The following AGAP1 variants were observed in gnomAD, a reference collection of about 807,000 sequenced individuals.
AGAP1 encodes ArfGAP with GTPase domain, ankyrin repeat and PH domain 1.
AGAP1 carries 29 observed loss-of-function variants against 105.3 expected under a neutral mutation model. That is an observed-to-expected ratio of 0.28 (90% CI 0.21 to 0.38). The LOEUF (loss-of-function observed/expected upper bound fraction) is 0.38. AGAP1 is among the 10% of genes least tolerant of loss of function. The probability of loss-of-function intolerance (pLI) is 1.00; values close to 1 mark genes in which losing one functional copy is unlikely to be tolerated. For missense variants in AGAP1, 998 were observed against 1,165.1 expected, an observed-to-expected ratio of 0.86 and a Z score of 2.09; for synonymous variants, 509 against 485.9, an observed-to-expected ratio of 1.05 and a Z score of -0.63.
chr2:235,934,331 T>A lies in AGAP1; in HGVS notation c.1483+3408T>A, dbSNP rs2052881589. 6.6e-6 allele frequency among the ~76,000 whole-genome samples: 1 copy of A among 152,124 alleles called. No individual in the cohort carries two copies. Among genetic ancestry groups the A allele is most frequent in the Admixed American group, 6.5e-5 (1 of 15,270 alleles). ...AAGTGGCATTTGACAGCTCCGGGGATTTGGCTGGTGATGCAGAATTCAGGC... is the reference window on the plus strand; with the variant it reads ...AAGTGGCATTTGACAGCTCCGGGGAATTGGCTGGTGATGCAGAATTCAGGC... On this transcript the variant is annotated intron_variant, in intron 12 of 17. Transcript: ENST00000304032. The surrounding 1 kb of genome is among the most constrained non-coding windows in gnomAD (Gnocchi z 4.9).
In AGAP1 at chr2:235,893,684, A is replaced by C. The variant is rs576942516; in HGVS notation, c.1155+10235A>C. On this transcript the variant is annotated intron_variant, in intron 10 of 17. Coordinates refer to ENST00000304032, the MANE Select transcript of AGAP1 (RefSeq NM_001037131.3). The surrounding 1 kb of genome is among the most constrained non-coding windows in gnomAD (Gnocchi z 4.7). ...TGTCCCTTTCTGCCCCATCTAGTGT[A>C]TGTCATTGAGGAGGAGGGCTGTGTT... is the stretch of plus-strand genomic sequence containing the variant. Among the ~76,000 whole-genome samples, 1 of 152,054 alleles carries C rather than the reference A, an allele frequency of 6.6e-6. No homozygotes were observed. The highest frequency in any genetic ancestry group is 1.9e-4 in the East Asian group (1 of 5,164).
intron 16 of AGAP1, among the ~76,000 whole-genome samples, chr2:236,106,519 C>T (rs1028296230): frequency 5.3e-5 from 8 of 152,250 alleles, no homozygotes; most frequent in Non-Finnish European, 1.0e-4. Context: ...AGCCTTGTGG[C>T]ATCCCAAGTA....
rs529088697 is a variant in AGAP1 at position 235,797,943 on chromosome 2, G to A, written c.801+57G>A. The A allele has an allele frequency of 7.5e-5, 120 of 1,589,810 alleles. 1 individual carries two copies. The African/African-American group carries it at 1.5e-3, about 19-fold the overall frequency. Reference sequence around the variant, plus strand: ...TAGAACCAAAGACAATATGCAAATAGTGTTCCCAGCCAATGCTAAGGTTGA... The same window carrying A: ...TAGAACCAAAGACAATATGCAAATAATGTTCCCAGCCAATGCTAAGGTTGA... On this transcript the variant is annotated intron_variant, in intron 7 of 17. Coordinates refer to ENST00000304032, the MANE Select transcript of AGAP1 (RefSeq NM_001037131.3).
chr2:235,805,831 C>G (rs1427794409), intron 8 of AGAP1, among the ~76,000 whole-genome samples: 1 of 152,208 alleles, frequency 6.6e-6, no homozygotes. Flanking sequence ...TCCCTGTCAT[C>G]TCATTCTAGG....
chr2:235,740,717 G>T lies in AGAP1; in HGVS notation c.311-246G>T, dbSNP rs1181052126. On this transcript the variant is annotated intron_variant, in intron 3 of 17. Transcript: ENST00000304032. The surrounding 1 kb of genome is among the most constrained non-coding windows in gnomAD (Gnocchi z 5.7). Reference sequence around the variant, plus strand: ...TGAGAAGTCCACACTAATTGGCCACGAGTGTCTGGCATTGCGAAGGAAGCT... The same window carrying T: ...TGAGAAGTCCACACTAATTGGCCACTAGTGTCTGGCATTGCGAAGGAAGCT... Among the ~76,000 whole-genome samples the T allele has an allele frequency of 4.6e-5, 7 of 152,248 alleles. No homozygotes were observed. Among genetic ancestry groups the T allele is most frequent in the Non-Finnish European group, 1.0e-4 (7 of 68,050 alleles).
At chr2:235,641,228 A>G (rs1044804612) in intron 1 of AGAP1, among the ~76,000 whole-genome samples, 1 of 152,128 alleles carries the variant, frequency 6.6e-6, no homozygotes, top group Non-Finnish European at 1.5e-5. Flanking sequence ...ATTACCCTCT[A>G]ATGTTACAAA....
chr2:235,830,082 T>C lies in AGAP1; in HGVS notation c.1050+22751T>C, dbSNP rs550004424. On this transcript the variant is annotated intron_variant, in intron 9 of 17. Coordinates refer to ENST00000304032, the MANE Select transcript of AGAP1 (RefSeq NM_001037131.3). The surrounding 1 kb of genome is among the most constrained non-coding windows in gnomAD (Gnocchi z 5.5). ...ATGATGCAGAGCTTTGGCGGCTGGC[T>C]GATGGAGTCGTTCTCATTTGTGAAG... 7.9e-5 allele frequency among the ~76,000 whole-genome samples: 12 copies of C among 152,262 alleles called. No individual in the cohort carries two copies. In the South Asian group the frequency reaches 2.5e-3, roughly 32 times the overall value.
Position 235,979,536 on chromosome 2 carries a change from C to T in AGAP1, c.1645+10913C>T, listed in dbSNP as rs904318375. Among the ~76,000 whole-genome samples the T allele has an allele frequency of 6.6e-6, 1 of 152,168 alleles. No individual in the cohort carries two copies. The highest frequency in any genetic ancestry group is 2.4e-5 in the African/African-American group (1 of 41,428). On this transcript the variant is annotated intron_variant, in intron 13 of 17. Coordinates refer to ENST00000304032, the MANE Select transcript of AGAP1 (RefSeq NM_001037131.3). This position sits in a 1 kb window ranked among gnomAD's most constrained non-coding sequence, Gnocchi z 4.5. ...CTAATACCCTCCTGGCTTTCCACTCCACCCCTTTCTCATCTCAGACATACC... is the reference window on the plus strand; with the variant it reads ...CTAATACCCTCCTGGCTTTCCACTCTACCCCTTTCTCATCTCAGACATACC...
In AGAP1 at chr2:235,747,791, G is replaced by A. The variant is rs1276274054; in HGVS notation, c.539-2563G>A. 1.3e-5 allele frequency among the ~76,000 whole-genome samples: 2 copies of A among 152,250 alleles called. No homozygotes were observed. The highest frequency in any genetic ancestry group is 2.9e-5 in the Non-Finnish European group (2 of 68,038). On this transcript the variant is annotated intron_variant, in intron 5 of 17. Coordinates refer to ENST00000304032, the MANE Select transcript of AGAP1 (RefSeq NM_001037131.3). The surrounding 1 kb of genome is among the most constrained non-coding windows in gnomAD (Gnocchi z 5.0). Reference sequence around the variant, plus strand: ...GATGCCAGAGACAAAAGAGGGATCAGGTTGTCTAGGAAGGCACCTGGCATT... The same window carrying A: ...GATGCCAGAGACAAAAGAGGGATCAAGTTGTCTAGGAAGGCACCTGGCATT...
At position 235,787,317 on chromosome 2, in the gene AGAP1, C is replaced by G. The variant is rs1293153124; in HGVS notation, c.674-10442C>G. 6.6e-6 allele frequency among the ~76,000 whole-genome samples: 1 copy of G among 152,248 alleles called. No individual in the cohort carries two copies. Among genetic ancestry groups the G allele is most frequent in the East Asian group, 1.9e-4 (1 of 5,200 alleles). ...TAACACTTTCTAATGTTTCATTCAT[C>G]TATCTGAGTTTTTCCTGCTTTAAGT... On this transcript the variant is annotated intron_variant, in intron 6 of 17. Coordinates refer to ENST00000304032, the MANE Select transcript of AGAP1 (RefSeq NM_001037131.3). The surrounding 1 kb of genome is among the most constrained non-coding windows in gnomAD (Gnocchi z 4.4).
intron 16 of AGAP1, among the ~76,000 whole-genome samples, chr2:236,100,026 C>G (rs1321325635): frequency 6.6e-6 from 1 of 152,002 alleles, no homozygotes; most frequent in African/African-American, 2.4e-5. Flanking sequence ...AGCAATAGAG[C>G]AAGACTCCAT....
chr2:235,997,558 G>T (rs571761274), intron 13 of AGAP1, among the ~76,000 whole-genome samples: 3 of 151,430 alleles, frequency 2.0e-5, no homozygotes, highest in South Asian at 2.1e-4. Flanking sequence ...TTCCACGCCC[G>T]CAGCATCTAC....
At chr2:235,570,740 G>A (rs1283953256) in intron 1 of AGAP1, among the ~76,000 whole-genome samples, 2 of 152,178 alleles carry the variant, frequency 1.3e-5, no homozygotes, top group African/African-American at 4.8e-5. Context: ...TTGAGCCTCG[G>A]TTTCTTCCTC....
In AGAP1 at chr2:236,124,138, G is replaced by A. The variant is rs187817029; in HGVS notation, c.*16G>A. 3.8e-3 allele frequency: 6,166 copies of A among 1,610,654 alleles called. 12 individuals are homozygous for A. The highest frequency in any genetic ancestry group is 4.8e-3 in the Non-Finnish European group (5,679 of 1,177,400). On this transcript the variant is annotated 3_prime_UTR_variant, in exon 18 of 18. Coordinates refer to ENST00000304032, the MANE Select transcript of AGAP1 (RefSeq NM_001037131.3). This position sits in a 1 kb window ranked among gnomAD's most constrained non-coding sequence, Gnocchi z 5.1. The stretch of plus-strand genomic sequence containing the variant: ...CATCATCTGAGGAACAGCCGTGCCC[G>A]CCTGCTCGCCGCACCTGGGACGCGG...
chr2:235,861,870 A>G (rs951054988), intron 9 of AGAP1, among the ~76,000 whole-genome samples: 5 of 152,208 alleles, frequency 3.3e-5, no homozygotes, highest in Admixed American at 2.0e-4. Context: ...AAACATTAAC[A>G]TCTGTAGAAA....
intron 16 of AGAP1, among the ~76,000 whole-genome samples, chr2:236,106,425 C>T (rs533686085): frequency 3.3e-5 from 5 of 152,318 alleles, no homozygotes; most frequent in South Asian, 2.1e-4. Context: ...GACCCCTGGG[C>T]GGGCACCTGT....
At position 236,003,722 on chromosome 2, in the gene AGAP1, C is replaced by G. The variant is rs1003881193; in HGVS notation, c.1646-32839C>G. On this transcript the variant is annotated intron_variant, in intron 13 of 17. Transcript: ENST00000304032. This position sits in a 1 kb window ranked among gnomAD's most constrained non-coding sequence, Gnocchi z 4.2. ...CACCCTGATCAAATTCAGTCATTAA[C>G]CCCACTGAAACCTGACAAGGCCTGT... 2.0e-5 allele frequency among the ~76,000 whole-genome samples: 3 copies of G among 152,166 alleles called. No individual in the cohort carries two copies. Among genetic ancestry groups the G allele is most frequent in the Non-Finnish European group, 4.4e-5 (3 of 68,026 alleles).
chr2:235,939,418 G>A (rs992070145), intron 12 of AGAP1, among the ~76,000 whole-genome samples: 7 of 152,082 alleles, frequency 4.6e-5, no homozygotes, highest in South Asian at 2.1e-4. Flanking sequence ...CTGCTTCCGC[G>A]GACACCCTCT....
At chr2:235,543,427 G>A (rs1054731976) in intron 1 of AGAP1, among the ~76,000 whole-genome samples, 5 of 152,182 alleles carry the variant, frequency 3.3e-5, no homozygotes, top group African/African-American at 4.8e-5. Flanking sequence ...CCCCGTGTAC[G>A]GGGAGAACTG....
Sources: allele counts gnomAD v4.1 joint callset (sites outside exome capture counted in the v4.1 genomes callset), GRCh38; gene constraint gnomAD v4.1.1; non-coding constraint Gnocchi (gnomAD v3.1); transcripts MANE v1.5; gene names NCBI Gene and HGNC (gene_info 2026-07-23, HGNC 2026-07-21).